CMTR1: variants seen among roughly 807,000 people sequenced by gnomAD.
CMTR1 encodes the protein cap methyltransferase 1.
A neutral mutation model predicts 107.0 loss-of-function variants in CMTR1; 39 were observed. The observed-to-expected ratio is 0.36, with a 90% CI of 0.28 to 0.48. The LOEUF (loss-of-function observed/expected upper bound fraction) is 0.48. Ranked by LOEUF, CMTR1 falls within the 20% of genes least tolerant of loss-of-function variation. The pLI, the probability that CMTR1 is intolerant of heterozygous loss-of-function variation, is 0.99. For synonymous variants in CMTR1, 366 were observed against 379.5 expected, an observed-to-expected ratio of 0.96 and a Z score of 0.41; for missense variants, 672 against 1,064.9, an observed-to-expected ratio of 0.63 and a Z score of 5.14.
intron 2 of CMTR1, among the ~76,000 whole-genome samples, chr6:37,443,522 T>C (rs1450450769): frequency 6.6e-6 from 1 of 152,024 alleles, no homozygotes; most frequent in African/African-American, 2.4e-5. Context: ...ACCCAGCTAA[T>C]TTTTGTATTT....
upstream of CMTR1, among the ~76,000 whole-genome samples, chr6:37,432,950 T>G (rs1771414659): frequency 6.6e-6 from 1 of 152,270 alleles, no homozygotes; most frequent in African/African-American, 2.4e-5. Context: ...AAAATGAAGA[T>G]AATGATAAGA....
chr6:37,440,252 A>G (rs1771641411), intron 2 of CMTR1, among the ~76,000 whole-genome samples: 1 of 152,204 alleles, frequency 6.6e-6, no homozygotes, highest in Admixed American at 6.5e-5. Context: ...CCTATTTACA[A>G]CCTCATTACA....
At chr6:37,440,392 GTAAGAA>G (rs540967255) in intron 2 of CMTR1, among the ~76,000 whole-genome samples, 210 of 152,302 alleles carry the variant, frequency 1.4e-3, no homozygotes, top group African/African-American at 4.6e-3. Context: ...AGGCCCCTGA[GTAAGAA>G]TAAGTAGTGG....
rs966946602 is a variant in CMTR1, at chr6:37,481,287, C to G, written c.*1142C>G. 9.5e-5 allele frequency: 118 copies of G among 1,236,146 alleles called. No homozygotes were observed. Among genetic ancestry groups the G allele is most frequent in the Non-Finnish European group, 1.2e-4 (113 of 962,596 alleles). The allele number at this position is 1,236,146 out of a possible 1,614,324, so 76.6% of individuals were successfully genotyped here. On this transcript the variant is annotated 3_prime_UTR_variant, in exon 24 of 24. Coordinates refer to ENST00000373451, the MANE Select transcript of CMTR1 (RefSeq NM_015050.3). ...TCTCAGAGATGTTCATGCAGGCTCC[C>G]TAGGGCCCCATCCCAGTGCCAGGCT...
chr6:37,439,017 T>C (rs1771606689), intron 2 of CMTR1, among the ~76,000 whole-genome samples: 1 of 152,222 alleles, frequency 6.6e-6, no homozygotes, highest in Non-Finnish European at 1.5e-5. Flanking sequence ...ACTATTTCTG[T>C]CTGTGTGGAC....
chr6:37,457,298 C>T (rs1350555535), intron 8 of CMTR1, among the ~76,000 whole-genome samples: 1 of 151,628 alleles, frequency 6.6e-6, no homozygotes, highest in Admixed American at 6.6e-5. Context: ...TGCCAAAATT[C>T]AAATGATGAT....
rs1761839296 is a variant in CMTR1, at chr6:37,480,840, T to C, written c.*695T>C. ...TGAGATCCTGGGAGCCCTCTTTTCG[T>C]ACTGAGTATGGAGTTGTAGAGCCAT... On this transcript the variant is annotated 3_prime_UTR_variant, in exon 24 of 24. Transcript: ENST00000373451. The C allele has an allele frequency of 1.7e-6, 2 of 1,152,244 alleles. No homozygotes were observed. The highest frequency in any genetic ancestry group is 3.3e-5 in the African/African-American group (2 of 61,424). 71.4% of individuals were successfully genotyped at this position (1,152,244 alleles called of 1,614,324 possible).
chr6:37,437,053 C>T (rs1771544198), intron 2 of CMTR1, among the ~76,000 whole-genome samples: 1 of 152,074 alleles, frequency 6.6e-6, no homozygotes, highest in African/African-American at 2.4e-5. Context: ...GCATCGGTGT[C>T]GCTGTAGTCC....
chr6:37,444,291 AC>A (rs2113867235), intron 3 of CMTR1, 141 bp downstream of exon 3: 2 of 1,007,948 alleles, frequency 2.0e-6, no homozygotes, highest in Non-Finnish European at 2.9e-6. Flanking sequence ...GCAGAGTGTG[AC>A]CCACTTCTTG....
Position 37,458,574 on chromosome 6 carries a change from G to T in CMTR1, c.778-38G>T. ...TTCCTGTTGCCCATTGAGCTGTCTT[G>T]TTTTCCTTCCTCTCCTGTCCTCCAC... On this transcript the variant is annotated intron_variant, in intron 8 of 23. Coordinates refer to ENST00000373451, the MANE Select transcript of CMTR1 (RefSeq NM_015050.3). This position sits in a 1 kb window ranked among gnomAD's most constrained non-coding sequence, Gnocchi z 4.7. 6.2e-7 allele frequency: 1 copy of T among 1,605,128 alleles called. No homozygotes were observed. Among genetic ancestry groups the T allele is most frequent in the South Asian group, 1.1e-5 (1 of 90,210 alleles).
chr6:37,435,871 G>C, intron 2 of CMTR1, 109 bp downstream of exon 2: 1 of 1,107,954 alleles, frequency 9.0e-7, no homozygotes, highest in Non-Finnish European at 1.2e-6. Context: ...GTCCCTTGAG[G>C]AAAATTAGGA....
intron 5 of CMTR1, 24 bp from the exon 6 acceptor site, chr6:37,451,782 C>T: frequency 6.3e-7 from 1 of 1,593,758 alleles, no homozygotes; most frequent in Non-Finnish European, 8.6e-7. Context: ...GTGGTCATTA[C>T]TTACTGCTTT....
intron 2 of CMTR1, among the ~76,000 whole-genome samples, chr6:37,437,691 A>C (rs1436402451): frequency 6.6e-6 from 1 of 151,556 alleles, no homozygotes; most frequent in Non-Finnish European, 1.5e-5. Context: ...GCAAAAACTT[A>C]CTGCACGCGA....
chr6:37,479,998 C>T lies in CMTR1; in HGVS notation c.2376-15C>T. ...GGTGCAGTCCTGACCTCTTTCCCAT[C>T]CCTCTCCTCCCCAGCATTTGCTACT... On this transcript the variant is annotated splice_polypyrimidine_tract_variant and intron_variant, in intron 23 of 23. Transcript: ENST00000373451. 6.4e-7 allele frequency: 1 copy of T among 1,562,922 alleles called. No homozygotes were observed. Among genetic ancestry groups the T allele is most frequent in the Non-Finnish European group, 8.6e-7 (1 of 1,160,242 alleles).
upstream of CMTR1, among the ~76,000 whole-genome samples, chr6:37,431,482 T>A (rs1027639936): frequency 1.3e-5 from 2 of 152,212 alleles, no homozygotes; most frequent in African/African-American, 4.8e-5. Flanking sequence ...TCAGTAAATA[T>A]CTATTGAGCA....
Position 37,481,382 on chromosome 6 carries a change from G to A in CMTR1, c.*1237G>A, listed in dbSNP as rs1311856755. Reference sequence around the variant, plus strand: ...TCGACTTCACCATGGGGGTCCTTCAGCCAGCATCCAGCTCCCCACCCCCAG... The same window carrying A: ...TCGACTTCACCATGGGGGTCCTTCAACCAGCATCCAGCTCCCCACCCCCAG... On this transcript the variant is annotated 3_prime_UTR_variant, in exon 24 of 24. Coordinates refer to ENST00000373451, the MANE Select transcript of CMTR1 (RefSeq NM_015050.3). The A allele has an allele frequency of 1.3e-5, 15 of 1,187,014 alleles. No homozygotes were observed. Among genetic ancestry groups the A allele is most frequent in the Admixed American group, 3.7e-5 (1 of 27,204 alleles). 73.5% of individuals were successfully genotyped at this position (1,187,014 alleles called of 1,614,324 possible).
the CMTR1 span, among the ~76,000 whole-genome samples, chr6:37,426,151 CTT>C: frequency 6.6e-6 from 1 of 152,106 alleles, no homozygotes; most frequent in African/African-American, 2.4e-5. Context: ...GTTTTCATCT[CTT>C]TGTTGATATT....
At chr6:37,438,768 G>A (rs1348555394) in intron 2 of CMTR1, among the ~76,000 whole-genome samples, 1 of 152,140 alleles carries the variant, frequency 6.6e-6, no homozygotes, top group Non-Finnish European at 1.5e-5. Context: ...TAAGTACTTA[G>A]CATTTATATC....
chr6:37,475,636 C>CTGGTATCAGAGAT, intron 19 of CMTR1: 1 of 586,328 alleles, frequency 1.7e-6, no homozygotes, highest in Non-Finnish European at 3.0e-6. Context: ...GAGATACCAG[C>CTGGTATCAGAGAT]ACACTCCATT....
Sources: allele counts gnomAD v4.1 joint callset (sites outside exome capture counted in the v4.1 genomes callset), GRCh38; gene constraint gnomAD v4.1.1; non-coding constraint Gnocchi (gnomAD v3.1); transcripts MANE v1.5; gene names NCBI Gene and HGNC (gene_info 2026-07-23, HGNC 2026-07-21).